The following PRKG1 variants were observed in gnomAD, a reference collection of about 807,000 sequenced individuals.
The protein encoded by PRKG1 is protein kinase cGMP-dependent 1, also known as cGMP-dependent protein kinase 1.
In PRKG1, 35 loss-of-function variants were observed where a neutral mutation model predicts 88.1. The observed-to-expected ratio is 0.40, with a 90% confidence interval of 0.30 to 0.53. The LOEUF (loss-of-function observed/expected upper bound fraction) is 0.53, where lower values mean the gene tolerates loss of function less well. PRKG1 is among the 20% of genes least tolerant of loss of function. PRKG1 has a pLI of 0.59. For missense variants in PRKG1, 540 were observed against 839.8 expected (o/e 0.64, Z 4.41); for synonymous variants, 303 against 292.5 (o/e 1.04, Z -0.37).
At chr10:51,370,325 T>C (rs918799537) in intron 2 of PRKG1, among the ~76,000 whole-genome samples, 1 of 152,174 alleles carries the variant, frequency 6.6e-6, no homozygotes, top group Non-Finnish European at 1.5e-5. Context: ...CCATCCTTAT[T>C]TCTTGCAAAA....
At chr10:52,182,756 A>G (rs925912099) in intron 9 of PRKG1, among the ~76,000 whole-genome samples, 26 of 149,422 alleles carry the variant, frequency 1.7e-4, no homozygotes, top group Non-Finnish European at 3.7e-4. Context: ...GATATGCGGC[A>G]TTATTTCTGA....
intron 3 of PRKG1, chr10:51,698,731 G>C (rs372421486): frequency 1.2e-6 from 2 of 1,614,188 alleles, no homozygotes; most frequent in South Asian, 2.2e-5. Flanking sequence ...GACCAGCTCC[G>C]GGAACTGCAG....
chr10:51,873,752 C>A (rs191714472), intron 4 of PRKG1, among the ~76,000 whole-genome samples: 170 of 152,224 alleles, frequency 1.1e-3, no homozygotes, highest in Non-Finnish European at 2.0e-3. Context: ...TGGTCTTGAA[C>A]TCCTGGCCTC....
intron 2 of PRKG1, among the ~76,000 whole-genome samples, chr10:51,223,472 A>G (rs910812257): frequency 1.3e-5 from 2 of 152,178 alleles, no homozygotes; most frequent in African/African-American, 2.4e-5. Flanking sequence ...AGTGCTTTGC[A>G]CTATGCCTAG....
intron 4 of PRKG1, among the ~76,000 whole-genome samples, chr10:51,884,817 A>AT: frequency 6.6e-6 from 1 of 152,098 alleles, no homozygotes; most frequent in Non-Finnish European, 1.5e-5. Flanking sequence ...TTTTGACCTT[A>AT]TTTTTTGGGT....
Position 52,217,044 on chromosome 10 carries a change from A to G in PRKG1, c.1077-34526A>G, listed in dbSNP as rs114968563. On this transcript the variant is annotated intron_variant, in intron 9 of 17. Transcript: ENST00000373980. ...ACTTCCTGTCTGATGGTGATGCGGA[A>G]AAACAGCTGTTGTGTGGGAACTGTT... Among the ~76,000 whole-genome samples, 801 of 152,186 alleles carry G rather than the reference A, an allele frequency of 5.3e-3. 5 individuals carry two copies. The highest frequency in any genetic ancestry group is 0.018 in the African/African-American group (757 of 41,518).
chr10:51,208,671 G>A (rs934717815), intron 2 of PRKG1, among the ~76,000 whole-genome samples: 4 of 152,310 alleles, frequency 2.6e-5, no homozygotes, highest in African/African-American at 4.8e-5. Flanking sequence ...CATGTTCAGA[G>A]TACAGAGGAT....
chr10:51,240,440 T>C (rs745733105), intron 2 of PRKG1, among the ~76,000 whole-genome samples: 1 of 152,218 alleles, frequency 6.6e-6, no homozygotes, highest in Non-Finnish European at 1.5e-5. Context: ...TCCTACACTG[T>C]AGCCTTTTTA....
intron 2 of PRKG1, among the ~76,000 whole-genome samples, chr10:51,207,129 A>G (rs1397247363): frequency 1.3e-5 from 2 of 152,198 alleles, no homozygotes; most frequent in East Asian, 3.8e-4. Flanking sequence ...TGAAGTTGAC[A>G]AGTCAGGCTG....
chr10:51,229,097 C>T (rs1418018536), intron 2 of PRKG1, among the ~76,000 whole-genome samples: 3 of 152,150 alleles, frequency 2.0e-5, no homozygotes, highest in South Asian at 2.1e-4. Flanking sequence ...CTCTTATAAG[C>T]TCAGATATCA....
At chr10:51,334,939 C>T (rs1267290898) in intron 2 of PRKG1, among the ~76,000 whole-genome samples, 4 of 149,078 alleles carry the variant, frequency 2.7e-5, no homozygotes, top group Admixed American at 1.3e-4. Flanking sequence ...AACAGGAGGA[C>T]GTGTTTAAAA....
intron 3 of PRKG1, among the ~76,000 whole-genome samples, chr10:51,689,865 T>G (rs906051958): frequency 3.0e-4 from 45 of 152,198 alleles, no homozygotes; most frequent in African/African-American, 1.1e-3. Context: ...AGGCCCAAAA[T>G]ATTTGTAGAA....
intron 3 of PRKG1, chr10:51,698,593 C>G: frequency 1.2e-6 from 2 of 1,613,856 alleles, no homozygotes; most frequent in Non-Finnish European, 1.7e-6. Context: ...CACCAGGAGT[C>G]ACGGGTCCGC....
chr10:51,265,446 G>A (rs12240684), intron 2 of PRKG1, among the ~76,000 whole-genome samples: 19,103 of 152,102 alleles, frequency 0.13, 1,769 homozygotes, highest in African/African-American at 0.26. Flanking sequence ...TTGAAATTCA[G>A]GTTTAATGGG....
chr10:52,148,956 G>C (rs1180454647), intron 8 of PRKG1, among the ~76,000 whole-genome samples: 1 of 70,536 alleles, frequency 1.4e-5, no homozygotes, highest in Non-Finnish European at 2.7e-5. Context: ...GGATAGTTTT[G>C]CTTTTTTTTT....
intron 9 of PRKG1, among the ~76,000 whole-genome samples, chr10:52,171,053 A>G (rs1032756248): frequency 2.7e-5 from 4 of 150,126 alleles, no homozygotes; most frequent in Non-Finnish European, 5.9e-5. Flanking sequence ...AAGTTTCTAA[A>G]TGCACACTTG....
intron 4 of PRKG1, among the ~76,000 whole-genome samples, chr10:51,859,931 G>A (rs1840826735): frequency 6.6e-6 from 1 of 152,068 alleles, no homozygotes. Context: ...GGCCCTATTA[G>A]CCACTGGCAT....
intron 2 of PRKG1, among the ~76,000 whole-genome samples, chr10:51,407,529 G>C (rs1320445238): frequency 6.6e-6 from 1 of 152,186 alleles, no homozygotes; most frequent in Non-Finnish European, 1.5e-5. Context: ...AAATACTCAT[G>C]ACAATTACAG....
At chr10:51,774,285 C>T (rs994358665) in intron 3 of PRKG1, among the ~76,000 whole-genome samples, 2 of 152,060 alleles carry the variant, frequency 1.3e-5, no homozygotes, top group Admixed American at 6.6e-5. Context: ...TAATGAGATA[C>T]ATTGCATTTT....
Sources: gnomAD v4.1 joint callset for allele counts (sites outside exome capture counted in the v4.1 genomes callset) on GRCh38, gnomAD v4.1.1 for gene constraint, MANE v1.5 for transcripts, NCBI Gene and HGNC (gene_info 2026-07-23, HGNC 2026-07-21) for gene names.